SNX29: variants seen among roughly 807,000 people sequenced by gnomAD.
SNX29 encodes sorting nexin-29.
SNX29 carries 78 observed loss-of-function variants against 102.1 expected under a neutral mutation model. That is an observed-to-expected ratio of 0.76 (90% CI 0.64 to 0.92). The LOEUF (loss-of-function observed/expected upper bound fraction) is 0.92. Among genes scored for constraint, SNX29 ranks in the 40% least tolerant of loss-of-function variants. The pLI, the probability that SNX29 is intolerant of heterozygous loss-of-function variation, is 0.00. For synonymous variants in SNX29, 580 were observed against 414.5 expected (o/e 1.40, Z -4.85); for missense variants, 1,280 against 1,061.7 (o/e 1.21, Z -2.86).
At chr16:12,392,339 G>A (rs537481849) in intron 16 of SNX29, among the ~76,000 whole-genome samples, 9 of 152,176 alleles carry the variant, frequency 5.9e-5, no homozygotes, top group African/African-American at 2.2e-4. Context: ...TGCTTATGTT[G>A]TCCATCACTC....
At chr16:12,080,208 T>C (rs1425798581) in intron 11 of SNX29, among the ~76,000 whole-genome samples, 10 of 152,000 alleles carry the variant, frequency 6.6e-5, no homozygotes, top group Non-Finnish European at 1.5e-5. Flanking sequence ...GAGGGGGCAA[T>C]TGTTCTTGAT....
At chr16:12,497,558 C>G (rs552109409) in intron 19 of SNX29, among the ~76,000 whole-genome samples, 3 of 152,192 alleles carry the variant, frequency 2.0e-5, no homozygotes, top group African/African-American at 7.2e-5. Flanking sequence ...TCAGGAGTGG[C>G]TGGAGTCGGG....
intron 20 of SNX29, among the ~76,000 whole-genome samples, chr16:12,528,282 C>T (rs2076840406): frequency 6.6e-6 from 1 of 152,148 alleles, no homozygotes; most frequent in Non-Finnish European, 1.5e-5. Context: ...TCACTGCAAC[C>T]TCTACCTCCG....
chr16:12,073,777 C>T (rs1021740975), intron 10 of SNX29, among the ~76,000 whole-genome samples: 1 of 151,986 alleles, frequency 6.6e-6, no homozygotes, highest in Non-Finnish European at 1.5e-5. Context: ...GTGTTAAAGT[C>T]TCTCATTATT....
At chr16:12,179,904 T>C (rs553208973) in intron 13 of SNX29, among the ~76,000 whole-genome samples, 10 of 150,484 alleles carry the variant, frequency 6.6e-5, no homozygotes, top group Non-Finnish European at 1.5e-4. Flanking sequence ...AAAGGAACTC[T>C]TCTTTCTCTA....
chr16:12,248,774 G>A (rs1365143887), intron 14 of SNX29, among the ~76,000 whole-genome samples: 1 of 151,716 alleles, frequency 6.6e-6, no homozygotes, highest in African/African-American at 2.4e-5. Flanking sequence ...GGCACTTCTG[G>A]CACTGCTTTA....
Position 12,573,208 on chromosome 16 carries a change from C to A in SNX29, c.*4579C>A. On this transcript the variant is annotated 3_prime_UTR_variant, in exon 21 of 21. Coordinates refer to ENST00000566228, the MANE Select transcript of SNX29 (RefSeq NM_032167.5). Reference sequence around the variant, plus strand: ...CCAGGGTCTCCCGGCTCTAGGCAGACCGGATCCCGCAGTTCATCCCATGGT... The same window carrying A: ...CCAGGGTCTCCCGGCTCTAGGCAGAACGGATCCCGCAGTTCATCCCATGGT... 1 of 226,816 alleles carries A rather than the reference C, an allele frequency of 4.4e-6. No individual in the cohort carries two copies. The highest frequency in any genetic ancestry group is 2.2e-5 in the African/African-American group (1 of 45,108). The allele number at this position is 226,816 out of a possible 1,614,324, so 14.1% of individuals were successfully genotyped here.
At chr16:12,338,623 C>T (rs1417798192) in intron 15 of SNX29, among the ~76,000 whole-genome samples, 1 of 152,214 alleles carries the variant, frequency 6.6e-6, no homozygotes. Context: ...GCAGCATTCA[C>T]ACCAGGTCTC....
intron 15 of SNX29, among the ~76,000 whole-genome samples, chr16:12,323,335 C>G (rs1239370588): frequency 6.6e-6 from 1 of 152,140 alleles, no homozygotes; most frequent in East Asian, 1.9e-4. Flanking sequence ...GTGCTGTCTG[C>G]CCACCACTAC....
At chr16:12,234,156 G>A (rs568896242) in intron 14 of SNX29, among the ~76,000 whole-genome samples, 6 of 152,262 alleles carry the variant, frequency 3.9e-5, no homozygotes, top group African/African-American at 9.6e-5. Flanking sequence ...CTTCCCACCA[G>A]CAGTGAATGA....
chr16:12,187,249 T>G (rs1471665848), intron 13 of SNX29, among the ~76,000 whole-genome samples: 5 of 152,234 alleles, frequency 3.3e-5, no homozygotes, highest in Non-Finnish European at 7.3e-5. Flanking sequence ...TGCCCCTCTA[T>G]GCCTGGGACT....
At chr16:12,087,761 G>A (rs1178282400) in intron 11 of SNX29, 3 of 434,924 alleles carry the variant, frequency 6.9e-6, no homozygotes, top group Admixed American at 2.4e-5. Context: ...GCCAAATACA[G>A]TGCTCAGAGT....
intron 14 of SNX29, among the ~76,000 whole-genome samples, chr16:12,234,330 C>T (rs922120941): frequency 6.6e-6 from 1 of 152,172 alleles, no homozygotes; most frequent in African/African-American, 2.4e-5. Flanking sequence ...TCTTTTCATT[C>T]TACAAATGGC....
intron 1 of SNX29, among the ~76,000 whole-genome samples, chr16:11,993,126 C>T (rs1338701968): frequency 4.0e-5 from 6 of 151,854 alleles, no homozygotes; most frequent in Non-Finnish European, 7.4e-5. Context: ...GATGGCGCCA[C>T]CGTACTCCAG....
chr16:12,069,755 A>G (rs1488663150), intron 10 of SNX29, among the ~76,000 whole-genome samples: 1 of 151,828 alleles, frequency 6.6e-6, no homozygotes, highest in Admixed American at 6.6e-5. Flanking sequence ...CGGTGGCGCA[A>G]TCTCGGCTCA....
chr16:12,207,153 G>C (rs183647149), intron 14 of SNX29, among the ~76,000 whole-genome samples: 1 of 152,216 alleles, frequency 6.6e-6, no homozygotes, highest in East Asian at 1.9e-4. Context: ...TGGATCACCA[G>C]AGGTCAGGAG....
rs541213205 is a variant in SNX29, at chr16:12,535,355, C to G, written c.2318+10514C>G. On this transcript the variant is annotated intron_variant, in intron 20 of 20. Transcript: ENST00000566228. ...GGTTTCGTGTTGGCCAGGCTGGTCT[C>G]GAACTCCTGGCCTCAAGTGATTCAC... Among the ~76,000 whole-genome samples the G allele has an allele frequency of 1.3e-4, 20 of 152,268 alleles. No individual in the cohort carries two copies. In the East Asian group the frequency reaches 2.3e-3, roughly 18 times the overall value.
chr16:12,080,659 C>T (rs888034722), intron 11 of SNX29, among the ~76,000 whole-genome samples: 5 of 151,250 alleles, frequency 3.3e-5, no homozygotes, highest in Middle Eastern at 3.5e-3. Flanking sequence ...GGATGACAGG[C>T]ATGAGCCACC....
At chr16:12,188,799 C>T (rs1326841806) in intron 13 of SNX29, among the ~76,000 whole-genome samples, 1 of 152,158 alleles carries the variant, frequency 6.6e-6, no homozygotes, top group Non-Finnish European at 1.5e-5. Flanking sequence ...ACAGCTTAAT[C>T]CAGAGAACAG....
Sources: allele counts gnomAD v4.1 joint callset (sites outside exome capture counted in the v4.1 genomes callset), GRCh38; gene constraint gnomAD v4.1.1; transcripts MANE v1.5; gene names NCBI Gene and HGNC (gene_info 2026-07-23, HGNC 2026-07-21).